The following NRIP3 variants were observed in gnomAD, a reference collection of about 807,000 sequenced individuals.
The protein encoded by NRIP3 is nuclear receptor interacting protein 3.
A neutral mutation model predicts 29.0 loss-of-function variants in NRIP3; 31 were observed. That is an observed-to-expected ratio of 1.07 (90% CI 0.80 to 1.44). The LOEUF is 1.44. NRIP3 is among the 40% of genes most tolerant of loss of function. The pLI, the probability that NRIP3 is intolerant of heterozygous loss-of-function variation, is 0.00. For synonymous variants in NRIP3, 131 were observed against 118.3 expected (o/e 1.11, Z -0.70); for missense variants, 314 against 297.9 (o/e 1.05, Z -0.40).
intron 1 of NRIP3, among the ~76,000 whole-genome samples, chr11:8,989,401 C>T (rs1355487531): frequency 6.6e-6 from 1 of 152,148 alleles, no homozygotes; most frequent in Admixed American, 6.5e-5. Flanking sequence ...TACCAGATGA[C>T]ACTTTCATTC....
rs1854422527 is a variant in NRIP3 at position 8,981,951 on chromosome 11, G to C, written c.*1594C>G. 6.6e-6 allele frequency: 1 copy of C among 152,186 alleles called. No individual in the cohort carries two copies. Among genetic ancestry groups the C allele is most frequent in the Non-Finnish European group, 1.5e-5 (1 of 68,072 alleles). 9.4% of individuals were successfully genotyped at this position (152,186 alleles called of 1,614,324 possible). On this transcript the variant is annotated 3_prime_UTR_variant, in exon 7 of 7. Coordinates refer to ENST00000309166, the MANE Select transcript of NRIP3 (RefSeq NM_020645.3). ...GGCCCAAATCATTCAGAGTTCCAAA[G>C]GGCTGTTCAGTAGGGGCAGTTGCTG...
chr11:8,997,355 C>CAAAAAAAAAAAAAAAAAAAAAAAAAA (rs11324721), intron 1 of NRIP3, among the ~76,000 whole-genome samples: 1 of 100,860 alleles, frequency 9.9e-6, no homozygotes, highest in African/African-American at 4.3e-5. Context: ...GACTCCGTCT[C>CAAAAAAAAAAAAAAAAAAAAAAAAAA]AAAAAAAAAA....
upstream of NRIP3, chr11:9,004,034 C>G: frequency 3.3e-6 from 4 of 1,196,300 alleles, no homozygotes; most frequent in Non-Finnish European, 4.3e-6. Flanking sequence ...CCTTTTATAG[C>G]CGAGCGTGAC....
At chr11:8,989,339 A>G (rs952945766) in intron 1 of NRIP3, among the ~76,000 whole-genome samples, 1 of 152,218 alleles carries the variant, frequency 6.6e-6, no homozygotes, top group Non-Finnish European at 1.5e-5. Flanking sequence ...AGAGTGTTTA[A>G]CCTAAAATCC....
In NRIP3 at chr11:9,003,911, C is replaced by G; in HGVS notation, c.25G>C (p.Glu9Gln). The G allele has an allele frequency of 6.6e-7, 1 of 1,518,388 alleles. No homozygotes were observed. The highest frequency in any genetic ancestry group is 8.8e-7 in the Non-Finnish European group (1 of 1,134,336). The allele number at this position is 1,518,388 out of a possible 1,614,324, so 94.1% of individuals were successfully genotyped here. The change falls in exon 1 of 7, where the codon GAG (glutamate) becomes CAG (glutamine). Residue 9 changes from glutamate (E) to glutamine (Q), a missense_variant. Transcript: ENST00000309166. MFYSGLLT[E>Q]GGRKETDMRE... ...ATGTCGGTCTCCTTGCGGCCGCCCT[C>G]AGTGAGGAGCCCTGAGTAAAACATC...
chr11:8,988,039 C>T lies in NRIP3; in HGVS notation c.339+79G>A, dbSNP rs1167503351. The T allele has an allele frequency of 2.2e-6, 3 of 1,375,862 alleles. No individual in the cohort carries two copies. The African/African-American group carries it at 4.3e-5, about 20-fold the overall frequency. 85.2% of individuals were successfully genotyped at this position (1,375,862 alleles called of 1,614,324 possible). On this transcript the variant is annotated intron_variant, in intron 2 of 6. Transcript: ENST00000309166. Reference sequence around the variant, plus strand: ...TCACTTATGAATTCCATGAGACCCACACTCTATAAAGTCAGGAGGAGAGGG... The same window carrying T: ...TCACTTATGAATTCCATGAGACCCATACTCTATAAAGTCAGGAGGAGAGGG...
At chr11:8,985,554 T>C (rs988028964) in intron 4 of NRIP3, among the ~76,000 whole-genome samples, 157 bp downstream of exon 4, 5 of 152,096 alleles carry the variant, frequency 3.3e-5, no homozygotes, top group Admixed American at 1.3e-4. Context: ...TCTATTACTT[T>C]GGAGAGCAAA....
At chr11:9,004,116 C>G (rs926833042), upstream of NRIP3, 5 of 411,234 alleles carry the variant, frequency 1.2e-5, no homozygotes, top group Non-Finnish European at 2.1e-5. Context: ...GCGGCTCCCT[C>G]GCGTCCCGCG....
chr11:8,984,080 A>G lies in NRIP3; in HGVS notation c.607T>C (p.Ser203Pro). Residue 203 changes from serine (S) to proline (P), a missense_variant, in exon 5 of 7, where the codon TCT (serine) becomes CCT (proline). By Grantham distance (74) the Ser-to-Pro change is moderately conservative. Coordinates refer to ENST00000309166, the MANE Select transcript of NRIP3 (RefSeq NM_020645.3). Reference sequence around the variant, plus strand: ...AGTGGAGTCAATCTTACCTTCAGAGATCGGAGAGTCTGTAGACCAAGGGAC... The same window carrying G: ...AGTGGAGTCAATCTTACCTTCAGAGGTCGGAGAGTCTGTAGACCAAGGGAC... ...NLSLGLQTLR[S>P]LKCIINLDKH... 6.2e-7 allele frequency: 1 copy of G among 1,612,882 alleles called. No individual in the cohort carries two copies. The highest frequency in any genetic ancestry group is 8.5e-7 in the Non-Finnish European group (1 of 1,178,902).
At chr11:9,003,697 G>A in intron 1 of NRIP3, 65 bp downstream of exon 1, 1 of 1,338,386 alleles carries the variant, frequency 7.5e-7, no homozygotes, top group Non-Finnish European at 9.7e-7. Flanking sequence ...CGCAACGGCC[G>A]GGCCTCGGAA....
At position 9,003,968 on chromosome 11, in the gene NRIP3, C is replaced by T. The variant is rs773978052; in HGVS notation, c.-33G>A. The T allele has an allele frequency of 1.9e-5, 28 of 1,462,974 alleles. No individual in the cohort carries two copies. In the Admixed American group the frequency reaches 2.8e-4, roughly 15 times the overall value. The allele number at this position is 1,462,974 out of a possible 1,614,324, so 90.6% of individuals were successfully genotyped here. ...GCGCCGGCGGCCCGGTAGCCCACAGCCCCCCGGCAGCCTCAGCCTCGAGCT... is the reference window on the plus strand; with the variant it reads ...GCGCCGGCGGCCCGGTAGCCCACAGTCCCCCGGCAGCCTCAGCCTCGAGCT... On this transcript the variant is annotated 5_prime_UTR_variant, in exon 1 of 7. Transcript: ENST00000309166.
At position 8,983,413 on chromosome 11, in the gene NRIP3, C is replaced by T; in HGVS notation, c.*132G>A. On this transcript the variant is annotated 3_prime_UTR_variant, in exon 7 of 7. Transcript: ENST00000309166. ...AGAGAGGTCTGAATGGGAAGGAGCC[C>T]CTGGAGCTTCTATTAGATGGAAGGA... is the stretch of plus-strand genomic sequence containing the variant. The T allele has an allele frequency of 1.3e-6, 1 of 743,962 alleles. No homozygotes were observed. 46.1% of individuals were successfully genotyped at this position (743,962 alleles called of 1,614,324 possible).
At position 8,987,429 on chromosome 11, in the gene NRIP3, A is replaced by G; in HGVS notation, c.422+119T>C. The stretch of plus-strand genomic sequence containing the variant: ...GGATTCTGGTTCCAGCTGAGATCTG[A>G]ACTCTGCATACTTCTCTTTGAGCTG... On this transcript the variant is annotated intron_variant, in intron 3 of 6. Coordinates refer to ENST00000309166, the MANE Select transcript of NRIP3 (RefSeq NM_020645.3). 3 of 776,692 alleles carry G rather than the reference A, an allele frequency of 3.9e-6. No homozygotes were observed. In the Admixed American group the frequency reaches 5.5e-5, roughly 14 times the overall value. 48.1% of individuals were successfully genotyped at this position (776,692 alleles called of 1,614,324 possible). A position where few individuals can be genotyped will look rare whatever the true frequency, so the allele number is the denominator to read the frequency against.
At position 9,003,828 on chromosome 11, in the gene NRIP3, G is replaced by A; in HGVS notation, c.108C>T (p.Ile36=). The A allele has an allele frequency of 6.6e-7, 1 of 1,521,768 alleles. No homozygotes were observed. 94.3% of individuals were successfully genotyped at this position (1,521,768 alleles called of 1,614,324 possible). A position where few individuals can be genotyped will look rare whatever the true frequency, so the allele number is the denominator to read the frequency against. Residue 36 remains isoleucine, a synonymous_variant, in exon 1 of 7, where the codon ATC becomes ATT. Coordinates refer to ENST00000309166, the MANE Select transcript of NRIP3 (RefSeq NM_020645.3). ...GCAGCAGGTCGGCGGAGTCCTTGTG[G>A]ATGAACTGCACCGCCTGCTTCATCC... ...QRRMKQAVQF[I]HKDSADLLPL...
chr11:8,998,755 C>T (rs1589964903), intron 1 of NRIP3, among the ~76,000 whole-genome samples: 1 of 151,334 alleles, frequency 6.6e-6, no homozygotes, highest in South Asian at 2.1e-4. Context: ...TAATTGGGAC[C>T]CTAAACTTGT....
chr11:9,003,869 G>T lies in NRIP3; in HGVS notation c.67C>A (p.Leu23Met). The T allele has an allele frequency of 6.6e-7, 1 of 1,522,838 alleles. No individual in the cohort carries two copies. The highest frequency in any genetic ancestry group is 1.4e-5 in the African/African-American group (1 of 69,746). 94.3% of individuals were successfully genotyped at this position (1,522,838 alleles called of 1,614,324 possible). A position where few individuals can be genotyped will look rare whatever the true frequency, so the allele number is the denominator to read the frequency against. ...TGCTTCATCCGGCGCTGCTGTCGCA[G>T]TGACGCCGCCTCCCGCATGTCGGTC... ...KETDMREAAS[L>M]RQQRRMKQAV... The change falls in exon 1 of 7, where the codon CTG becomes ATG. Residue 23 changes from leucine to methionine, a missense_variant. By Grantham distance (15) the Leu-to-Met change is conservative. Transcript: ENST00000309166.
Position 9,003,833 on chromosome 11 carries a change from A to T in NRIP3, c.103T>A (p.Phe35Ile). 6.6e-7 allele frequency: 1 copy of T among 1,521,382 alleles called. No homozygotes were observed. The highest frequency in any genetic ancestry group is 8.8e-7 in the Non-Finnish European group (1 of 1,136,290). The allele number at this position is 1,521,382 out of a possible 1,614,324, so 94.2% of individuals were successfully genotyped here. ...AGGTCGGCGGAGTCCTTGTGGATGA[A>T]CTGCACCGCCTGCTTCATCCGGCGC... ...QQRRMKQAVQ[F>I]IHKDSADLLP... The change falls in exon 1 of 7, where the codon TTC becomes ATC. Residue 35 changes from phenylalanine (F) to isoleucine (I), a missense_variant. Coordinates refer to ENST00000309166, the MANE Select transcript of NRIP3 (RefSeq NM_020645.3).
At chr11:8,986,852 CTACAAAAAA>C (rs1854528768) in intron 3 of NRIP3, among the ~76,000 whole-genome samples, 2 of 152,174 alleles carry the variant, frequency 1.3e-5, no homozygotes, top group South Asian at 2.1e-4. Context: ...AACCCCCTCT[CTACAAAAAA>C]TACAAAAAAT....
At chr11:8,985,611 A>G in intron 4 of NRIP3, 100 bp downstream of exon 4, 1 of 1,458,398 alleles carries the variant, frequency 6.9e-7, no homozygotes, top group East Asian at 2.3e-5. Context: ...CCATTTTGAA[A>G]AAGTCAATAT....
Sources: gnomAD v4.1 joint callset for allele counts (sites outside exome capture counted in the v4.1 genomes callset) on GRCh38, gnomAD v4.1.1 for gene constraint, MANE v1.5 for transcripts, NCBI Gene and HGNC (gene_info 2026-07-23, HGNC 2026-07-21) for gene names.